Variants in SDK2 observed in about 807,000 individuals in gnomAD.
SDK2 encodes sidekick cell adhesion molecule 2, also known as protein sidekick-2.
In SDK2, 105 loss-of-function variants were observed where a neutral mutation model predicts 253.9. That is an observed-to-expected ratio of 0.41 (90% confidence interval 0.35 to 0.49). SDK2 has a LOEUF of 0.49. Ranked by LOEUF, SDK2 falls within the 20% of genes least tolerant of loss-of-function variation. The probability of loss-of-function intolerance (pLI) is 0.06; values close to 1 mark genes in which losing one functional copy is unlikely to be tolerated. For missense variants in SDK2, 2,608 were observed against 3,003.0 expected, an observed-to-expected ratio of 0.87 and a Z score of 3.07; for synonymous variants, 1,249 against 1,234.9, an observed-to-expected ratio of 1.01 and a Z score of -0.24.
At chr17:73,556,319 T>C (rs933040742) in intron 1 of SDK2, among the ~76,000 whole-genome samples, 1 of 142,310 alleles carries the variant, frequency 7.0e-6, no homozygotes, top group Non-Finnish European at 1.5e-5. Context: ...CCTTCGGAGT[T>C]TGGGTTTTTT....
intron 1 of SDK2, among the ~76,000 whole-genome samples, chr17:73,601,105 C>T (rs912481570): frequency 1.3e-5 from 2 of 151,938 alleles, no homozygotes; most frequent in Non-Finnish European, 2.9e-5. Flanking sequence ...CTGCAACCTC[C>T]GCCTCCCAGG....
chr17:73,418,903 T>C (rs1364214964), intron 16 of SDK2, among the ~76,000 whole-genome samples: 1 of 152,160 alleles, frequency 6.6e-6, no homozygotes, highest in Non-Finnish European at 1.5e-5. Flanking sequence ...TCCTGTCTCC[T>C]TGTAGGCCTG....
At chr17:73,416,681 C>T (rs2063185196) in intron 16 of SDK2, among the ~76,000 whole-genome samples, 2 of 152,086 alleles carry the variant, frequency 1.3e-5, no homozygotes, top group Admixed American at 1.3e-4. Context: ...CCTCCACCTG[C>T]CAGGTTCAAG....
intron 1 of SDK2, among the ~76,000 whole-genome samples, chr17:73,577,986 G>C (rs1250695017): frequency 6.6e-6 from 1 of 152,060 alleles, no homozygotes; most frequent in Non-Finnish European, 1.5e-5. Context: ...CGTGGCAGGA[G>C]AGCAGGCAGC....
chr17:73,431,463 C>T lies in SDK2; in HGVS notation c.1480+39G>A. 1 of 1,579,990 alleles carries T rather than the reference C, an allele frequency of 6.3e-7. No individual in the cohort carries two copies. Among genetic ancestry groups the T allele is most frequent in the Non-Finnish European group, 8.6e-7 (1 of 1,162,072 alleles). On this transcript the variant is annotated intron_variant, in intron 11 of 44. Coordinates refer to ENST00000392650, the MANE Select transcript of SDK2 (RefSeq NM_001144952.2). The surrounding 1 kb of genome is among the most constrained non-coding windows in gnomAD (Gnocchi z 5.6). ...GCACCTACAGGGATGTACACACGCACACACAAATGTATAAAGCCCTGTGGC... is the reference window on the plus strand; with the variant it reads ...GCACCTACAGGGATGTACACACGCATACACAAATGTATAAAGCCCTGTGGC...
intron 2 of SDK2, among the ~76,000 whole-genome samples, chr17:73,483,707 A>ATATTT (rs1322209671): frequency 3.1e-5 from 2 of 64,304 alleles, no homozygotes; most frequent in Non-Finnish European, 2.7e-5. Context: ...ATATATATAT[A>ATATTT]TTTTTTTTTT....
Position 73,379,291 on chromosome 17 carries a change from C to A in SDK2, c.4866G>T (p.Val1622=). The part of the protein sequence containing the change: ...PPQEVFVGEA[V]PTAAPRNVVV... ...CCACGTTACGAGGTGCTGCTGTGGG[C>A]ACTGGAGGGCGTGCAGGGTAGGCAG... Residue 1622 remains valine (V), a splice_region_variant and synonymous_variant, in exon 36 of 45, where the codon GTG becomes GTT. Transcript: ENST00000392650. This position sits in a 1 kb window ranked among gnomAD's most constrained non-coding sequence, Gnocchi z 4.5. 6.4e-7 allele frequency: 1 copy of A among 1,553,330 alleles called. No individual in the cohort carries two copies. Among genetic ancestry groups the A allele is most frequent in the Non-Finnish European group, 8.7e-7 (1 of 1,147,842 alleles).
chr17:73,344,733 G>C (rs2062468029), intron 44 of SDK2, among the ~76,000 whole-genome samples: 1 of 152,220 alleles, frequency 6.6e-6, no homozygotes, highest in East Asian at 1.9e-4. Context: ...GGATGGTCAG[G>C]CTATCAACGA....
chr17:73,362,779 T>C (rs902700867), intron 38 of SDK2, among the ~76,000 whole-genome samples: 2 of 151,970 alleles, frequency 1.3e-5, no homozygotes, highest in East Asian at 1.9e-4. Context: ...TTTCAGGAGG[T>C]GGGGGTTTGC....
chr17:73,463,559 C>T (rs1052420135), intron 3 of SDK2, among the ~76,000 whole-genome samples: 1 of 152,132 alleles, frequency 6.6e-6, no homozygotes, highest in Non-Finnish European at 1.5e-5. Context: ...TGATTTCTCT[C>T]CTGAATATTG....
chr17:73,415,915 T>G lies in SDK2; in HGVS notation c.2264A>C (p.Glu755Ala). 6.2e-7 allele frequency: 1 copy of G among 1,609,160 alleles called. No homozygotes were observed. Among genetic ancestry groups the G allele is most frequent in the East Asian group, 2.2e-5 (1 of 44,700 alleles). ...TDADVNNLLL[E>A]DLIIWTNYEI... ...GTAGTTGGTCCAAATGATGAGATCCTCCAGCAGCAGGTTGTTCACATCAGC... is the reference window on the plus strand; with the variant it reads ...GTAGTTGGTCCAAATGATGAGATCCGCCAGCAGCAGGTTGTTCACATCAGC... The change falls in exon 17 of 45, where the codon GAG becomes GCG. Residue 755 changes from glutamate (E) to alanine (A), a missense_variant. By Grantham distance (107) the Glu-to-Ala change is moderately radical (BLOSUM62 -1). Coordinates refer to ENST00000392650, the MANE Select transcript of SDK2 (RefSeq NM_001144952.2).
At chr17:73,375,286 G>A (rs1379663948) in intron 36 of SDK2, among the ~76,000 whole-genome samples, 2 of 122,154 alleles carry the variant, frequency 1.6e-5, no homozygotes, top group African/African-American at 6.2e-5. Flanking sequence ...CTGTTGCCCA[G>A]GCTGGAGTGC....
At position 73,393,727 on chromosome 17, in the gene SDK2, G is replaced by A. The variant is rs930164496; in HGVS notation, c.3731C>T (p.Ser1244Leu). 2.0e-5 allele frequency: 31 copies of A among 1,582,516 alleles called. No individual in the cohort carries two copies. In the Admixed American group the frequency reaches 2.5e-4, roughly 13 times the overall value. Residue 1244 changes from serine (S) to leucine (L), a missense_variant, in exon 27 of 45, where the codon TCG becomes TTG. Ser to Leu is a moderately radical substitution (Grantham distance 145). This residue lies in a region of SDK2 where 1,505 missense variants were observed against 1,859.1 expected (regional missense o/e 0.81). Coordinates refer to ENST00000392650, the MANE Select transcript of SDK2 (RefSeq NM_001144952.2). ...GYKVMYKEKD[S>L]DTQPRFWLVE... ...CAGCCAGAATCGGGGCTGGGTGTCC[G>A]AGTCCTTCTCCTTATACATCACCTG...
intron 1 of SDK2, among the ~76,000 whole-genome samples, chr17:73,576,281 G>A (rs1162340520): frequency 6.6e-6 from 1 of 152,148 alleles, no homozygotes; most frequent in East Asian, 1.9e-4. Context: ...TGCCAAGGAT[G>A]GGAAGGGTGT....
chr17:73,392,664 G>A (rs1016297065), intron 27 of SDK2, among the ~76,000 whole-genome samples: 5 of 152,310 alleles, frequency 3.3e-5, no homozygotes, highest in African/African-American at 1.2e-4. Flanking sequence ...TCATTAGCTT[G>A]ATGAATAATG....
intron 2 of SDK2, among the ~76,000 whole-genome samples, chr17:73,492,676 C>T (rs1264636808): frequency 6.6e-6 from 1 of 152,098 alleles, no homozygotes; most frequent in African/African-American, 2.4e-5. Flanking sequence ...CTTGGGCGAC[C>T]CTGGGAGAAG....
At chr17:73,464,720 C>A (rs536942685) in intron 3 of SDK2, among the ~76,000 whole-genome samples, 106 of 152,308 alleles carry the variant, frequency 7.0e-4, no homozygotes, top group African/African-American at 2.5e-3. Context: ...CCCCAACAAC[C>A]TTCCTTTGAG....
chr17:73,425,427 C>A (rs1411955977), intron 12 of SDK2, among the ~76,000 whole-genome samples: 1 of 152,246 alleles, frequency 6.6e-6, no homozygotes, highest in Admixed American at 6.5e-5. Context: ...TGCAGCACTG[C>A]TGCATTCAGG....
At chr17:73,422,522 T>G in intron 14 of SDK2, 88 bp from the exon 15 acceptor site, 1 of 1,456,200 alleles carries the variant, frequency 6.9e-7, no homozygotes. Flanking sequence ...GGGTCCAGCT[T>G]CACTGGGGCT....
Sources: allele counts gnomAD v4.1 joint callset (sites outside exome capture counted in the v4.1 genomes callset), GRCh38; gene constraint gnomAD v4.1.1; regional missense constraint gnomAD v4.1.1; non-coding constraint Gnocchi (gnomAD v3.1); transcripts MANE v1.5; gene names NCBI Gene and HGNC (gene_info 2026-07-23, HGNC 2026-07-21).